Variants in ACSS3 observed in about 807,000 individuals in gnomAD.
ACSS3 encodes the protein acyl-CoA synthetase short chain family member 3.
ACSS3 carries 64 observed loss-of-function variants against 84.2 expected under a neutral mutation model. The ratio of observed to expected loss-of-function variants is 0.76; its 90% CI spans 0.62 to 0.94. The LOEUF is 0.94. Ranked by LOEUF, ACSS3 falls within the 40% of genes least tolerant of loss-of-function variation. The probability of loss-of-function intolerance (pLI) is 0.00; values close to 1 mark genes in which losing one functional copy is unlikely to be tolerated. For missense variants in ACSS3, 815 were observed against 867.6 expected, an observed-to-expected ratio of 0.94 and a Z score of 0.76; for synonymous variants, 317 against 310.1, an observed-to-expected ratio of 1.02 and a Z score of -0.23.
At chr12:81,108,989 A>G (rs1466260944) in intron 1 of ACSS3, among the ~76,000 whole-genome samples, 1 of 152,208 alleles carries the variant, frequency 6.6e-6, no homozygotes, top group African/African-American at 2.4e-5. Context: ...AATATTTTAT[A>G]TGCATGTCCC....
At chr12:81,235,910 A>T (rs1186542058) in intron 13 of ACSS3, among the ~76,000 whole-genome samples, 2 of 151,420 alleles carry the variant, frequency 1.3e-5, no homozygotes, top group Admixed American at 1.3e-4. Context: ...ATTATGTTAC[A>T]TGTGAATAAA....
At chr12:81,228,294 G>T (rs1027529275) in intron 11 of ACSS3, among the ~76,000 whole-genome samples, 18 of 151,802 alleles carry the variant, frequency 1.2e-4, no homozygotes, top group African/African-American at 4.4e-4. Context: ...GCACCCCATG[G>T]TGTGTTATTC....
upstream of ACSS3, chr12:81,077,928 C>A: frequency 1.7e-6 from 1 of 599,010 alleles, no homozygotes. Context: ...TCCCGGGGCC[C>A]CCACTTTAGC....
At chr12:81,104,417 A>T (rs936293497) in intron 1 of ACSS3, among the ~76,000 whole-genome samples, 5 of 152,164 alleles carry the variant, frequency 3.3e-5, no homozygotes, top group African/African-American at 1.2e-4. Context: ...CCTCAATTTC[A>T]TCCTTACCAG....
chr12:81,235,254 AAT>A (rs2135977829), intron 13 of ACSS3, among the ~76,000 whole-genome samples: 1 of 151,372 alleles, frequency 6.6e-6, no homozygotes, highest in African/African-American at 2.4e-5. Context: ...CTGTTTCTAG[AAT>A]ATCTTTCTAT....
chr12:81,135,469 TAC>T (rs139996036), intron 3 of ACSS3, among the ~76,000 whole-genome samples: 6 of 146,046 alleles, frequency 4.1e-5, no homozygotes, highest in Admixed American at 7.0e-5. Context: ...ATAAAATATA[TAC>T]ACACACACAC....
intron 12 of ACSS3, among the ~76,000 whole-genome samples, chr12:81,231,659 C>T (rs539752333): frequency 6.6e-6 from 1 of 151,726 alleles, no homozygotes. Flanking sequence ...TTTAAAAATA[C>T]AGATACAGGA....
intron 7 of ACSS3, among the ~76,000 whole-genome samples, chr12:81,162,651 C>T (rs1179317279): frequency 6.6e-6 from 1 of 152,124 alleles, no homozygotes; most frequent in Non-Finnish European, 1.5e-5. Context: ...CCACCCCTTT[C>T]CACCCAGAAG....
chr12:81,221,295 T>A (rs1228918852), intron 11 of ACSS3, among the ~76,000 whole-genome samples: 1 of 152,052 alleles, frequency 6.6e-6, no homozygotes, highest in East Asian at 1.9e-4. Flanking sequence ...TTCACCAGAT[T>A]GAGCTACTAT....
At chr12:81,213,715 CCCCTCCGCT>C (rs2032723393) in intron 9 of ACSS3, among the ~76,000 whole-genome samples, 1 of 94,598 alleles carries the variant, frequency 1.1e-5, no homozygotes, top group Non-Finnish European at 2.2e-5. Flanking sequence ...CCCCTCCGCT[CCCCTCCGCT>C]CCCCTCCGCT....
At chr12:81,088,862 G>A in intron 1 of ACSS3, among the ~76,000 whole-genome samples, 1 of 151,394 alleles carries the variant, frequency 6.6e-6, no homozygotes, top group East Asian at 1.9e-4. Context: ...TTAAAGTTTG[G>A]GTCTACATCT....
At chr12:81,112,402 G>T (rs1241615716) in intron 2 of ACSS3, among the ~76,000 whole-genome samples, 2 of 152,106 alleles carry the variant, frequency 1.3e-5, no homozygotes, top group Non-Finnish European at 2.9e-5. Flanking sequence ...TCTTTTGTTG[G>T]TTTTCAATTA....
intron 5 of ACSS3, among the ~76,000 whole-genome samples, chr12:81,147,928 T>G (rs1886419922): frequency 6.6e-6 from 1 of 151,866 alleles, no homozygotes; most frequent in Admixed American, 6.6e-5. Context: ...TACATATACA[T>G]AAGCATATAA....
intron 1 of ACSS3, among the ~76,000 whole-genome samples, chr12:81,097,808 A>G (rs994989444): frequency 2.0e-5 from 3 of 152,192 alleles, no homozygotes; most frequent in Admixed American, 6.5e-5. Flanking sequence ...TCAGAGCCCA[A>G]CTAACACTAA....
chr12:81,143,129 G>T lies in ACSS3; in HGVS notation c.803G>T (p.Gly268Val), dbSNP rs1286232548. 6.2e-7 allele frequency: 1 copy of T among 1,612,832 alleles called. No homozygotes were observed. The highest frequency in any genetic ancestry group is 1.1e-5 in the South Asian group (1 of 90,914). Residue 268 changes from glycine (G) to valine (V), a missense_variant, in exon 5 of 16, where the codon GGT becomes GTT. By Grantham distance (109) the Gly-to-Val change is moderately radical. Coordinates refer to ENST00000548058, the MANE Select transcript of ACSS3 (RefSeq NM_024560.4). ...PNMEAVPLAP[G>V]RDLDWDEEMA... ...TAGGAGGCGGTTCCTTTGGCTCCCG[G>T]TCGTGACCTTGATTGGGATGAAGAG...
intron 1 of ACSS3, among the ~76,000 whole-genome samples, chr12:81,085,581 AAGCCCAGAATC>A (rs1881256068): frequency 1.3e-5 from 2 of 152,236 alleles, no homozygotes; most frequent in Non-Finnish European, 2.9e-5. Context: ...TCCAGTGGCT[AAGCCCAGAATC>A]TTTTCCTCCA....
rs139034659 is a variant in ACSS3 at position 81,246,958 on chromosome 12, A to G, written c.1720-6349A>G. 2.0e-3 allele frequency among the ~76,000 whole-genome samples: 303 copies of G among 152,252 alleles called. 2 individuals are homozygous for G. Among genetic ancestry groups the G allele is most frequent in the African/African-American group, 6.9e-3 (287 of 41,564 alleles). The stretch of plus-strand genomic sequence containing the variant: ...AAAGTTAAAAAAATTAAAAATTAAA[A>G]AAGTTTGTACCTATCTTCAGTTCAA... On this transcript the variant is annotated intron_variant, in intron 13 of 15. Transcript: ENST00000548058.
intron 8 of ACSS3, among the ~76,000 whole-genome samples, chr12:81,179,762 G>C (rs1303738156): frequency 1.0e-5 from 1 of 96,576 alleles, no homozygotes; most frequent in African/African-American, 3.4e-5. Context: ...CTGGGTGACA[G>C]AGCGAGACTC....
At chr12:81,252,438 G>A (rs529775870) in intron 13 of ACSS3, among the ~76,000 whole-genome samples, 1 of 152,174 alleles carries the variant, frequency 6.6e-6, no homozygotes, top group Admixed American at 6.5e-5. Flanking sequence ...ATAGAAGAAA[G>A]AACAAGGACT....
Sources: gnomAD v4.1 joint callset for allele counts (sites outside exome capture counted in the v4.1 genomes callset) on GRCh38, gnomAD v4.1.1 for gene constraint, MANE v1.5 for transcripts, NCBI Gene and HGNC (gene_info 2026-07-23, HGNC 2026-07-21) for gene names.